The following TRIM49C variants were observed in gnomAD, a reference collection of about 807,000 sequenced individuals.
TRIM49C encodes the protein tripartite motif-containing protein 49C.
In TRIM49C, 6 loss-of-function variants were observed where a neutral mutation model predicts 21.4. The observed-to-expected ratio is 0.28, with a 90% CI of 0.15 to 0.55. The LOEUF (loss-of-function observed/expected upper bound fraction) is 0.55. TRIM49C is among the 20% of genes least tolerant of loss of function. The pLI, the probability that TRIM49C is intolerant of heterozygous loss-of-function variation, is 0.94. For missense variants in TRIM49C, 161 were observed against 442.4 expected (o/e 0.36, Z 5.71); for synonymous variants, 57 against 148.1 (o/e 0.38, Z 4.47).
chr11:90,069,652 T>C, the TRIM49C span, among the ~76,000 whole-genome samples: 1 of 121,706 alleles, frequency 8.2e-6, no homozygotes, highest in Non-Finnish European at 1.7e-5. Context: ...GGAGAAAGAA[T>C]GAGAATACAG....
the TRIM49C span, chr11:90,052,950 C>T: frequency 2.1e-5 from 3 of 141,072 alleles, no homozygotes; most frequent in African/African-American, 5.0e-5. Context: ...CGACATCTCT[C>T]CTGGGGTCTG....
intron 2 of TRIM49C, among the ~76,000 whole-genome samples, chr11:90,033,808 T>C (rs1250569028): frequency 8.0e-6 from 1 of 125,624 alleles, no homozygotes; most frequent in Non-Finnish European, 1.7e-5. Context: ...TAGCCAGGCC[T>C]AGTGTCACGT....
At chr11:90,056,059 C>T in the TRIM49C span, among the ~76,000 whole-genome samples, 6 of 132,660 alleles carry the variant, frequency 4.5e-5, 1 homozygote, top group Admixed American at 2.6e-4. Flanking sequence ...CCCAGGTTCA[C>T]GCCATTCTCC....
At chr11:90,056,163 T>C in the TRIM49C span, among the ~76,000 whole-genome samples, 7 of 135,922 alleles carry the variant, frequency 5.2e-5, no homozygotes, top group Admixed American at 8.2e-5. Context: ...GGTTTCACCG[T>C]GTTAGCCAAG....
chr11:90,037,206 CTATGTTT>C (rs1950735082), intron 4 of TRIM49C, among the ~76,000 whole-genome samples: 1 of 135,210 alleles, frequency 7.4e-6, no homozygotes, highest in Non-Finnish European at 1.6e-5. Context: ...ACAAAGAAGT[CTATGTTT>C]CAGACTGGGA....
At chr11:90,071,023 T>C in the TRIM49C span, 1 of 435,918 alleles carries the variant, frequency 2.3e-6, no homozygotes, top group East Asian at 6.3e-5. Flanking sequence ...CTGGAAATCC[T>C]GACCTCAGGT....
the TRIM49C span, among the ~76,000 whole-genome samples, chr11:90,069,229 C>T: frequency 3.9e-5 from 5 of 127,776 alleles, no homozygotes; most frequent in Admixed American, 4.2e-4. Flanking sequence ...CTCAGCCTCC[C>T]AAGTAGCTGG....
At position 90,037,348 on chromosome 11, in the gene TRIM49C, G is replaced by T. The variant is rs1436351614; in HGVS notation, c.508-401G>T. 1.5e-5 allele frequency among the ~76,000 whole-genome samples: 2 copies of T among 133,186 alleles called. 1 individual carries two copies. The highest frequency in any genetic ancestry group is 5.4e-5 in the African/African-American group (2 of 37,242). The allele number at this position is 133,186 out of a possible 152,430, so 87.4% of individuals were successfully genotyped here. On this transcript the variant is annotated intron_variant, in intron 4 of 7. Transcript: ENST00000448984. ...ACTTAGCTGGACATGCTAGTCTAAG[G>T]TCATTTTCATATAATGAGTTTAAGC...
the TRIM49C span, among the ~76,000 whole-genome samples, chr11:90,049,218 AG>A: frequency 8.4e-6 from 1 of 119,180 alleles, no homozygotes; most frequent in South Asian, 3.2e-4. Flanking sequence ...GACCAACTTG[AG>A]GAGGCAGTCT....
At chr11:90,065,627 C>T in the TRIM49C span, among the ~76,000 whole-genome samples, 901 of 140,828 alleles carry the variant, frequency 6.4e-3, 97 homozygotes, top group African/African-American at 0.021. Context: ...TGGAATGAGA[C>T]GCAAGAAAGT....
the TRIM49C span, among the ~76,000 whole-genome samples, chr11:90,054,939 AC>A: frequency 6.7e-6 from 1 of 148,852 alleles, no homozygotes; most frequent in African/African-American, 2.5e-5. Flanking sequence ...TTCCTTGAAA[AC>A]TAGGAACAAA....
In TRIM49C at chr11:90,041,342, A is replaced by T; in HGVS notation, c.1151A>T (p.Lys384Met). ...KEGLFLLGCI[K>M]NDIQCSLFTT... ...GGACTCTTTCTTCTTGGGTGTATTA[A>T]GAATGACATTCAATGCAGTCTCTTT... The change falls in exon 8 of 8, where the codon AAG (lysine) becomes ATG (methionine). Residue 384 changes from lysine (K) to methionine (M), a missense_variant. By Grantham distance (95) the Lys-to-Met change is moderately conservative. Around this residue, in one of 3 missense-constraint regions of TRIM49C, gnomAD observed 63 missense variants for 67.6 expected, o/e 0.93. Coordinates refer to ENST00000448984, the MANE Select transcript of TRIM49C (RefSeq NM_001195234.1). 1.9e-6 allele frequency: 3 copies of T among 1,590,206 alleles called. 1 individual carries two copies. Among genetic ancestry groups the T allele is most frequent in the Non-Finnish European group, 2.6e-6 (3 of 1,165,072 alleles).
the TRIM49C span, chr11:90,073,035 C>A: frequency 3.1e-5 from 22 of 698,552 alleles, 2 homozygotes; most frequent in African/African-American, 1.8e-4. Flanking sequence ...GCATGGGGAG[C>A]CTGGGTCTTC....
chr11:90,062,721 A>C, the TRIM49C span: 9 of 1,492,442 alleles, frequency 6.0e-6, 1 homozygote, highest in Non-Finnish European at 8.1e-6. Context: ...CGCATGGAGC[A>C]CACAGATATT....
At chr11:90,070,798 CTTTG>C in the TRIM49C span, among the ~76,000 whole-genome samples, 2 of 141,660 alleles carry the variant, frequency 1.4e-5, no homozygotes, top group South Asian at 2.4e-4. Flanking sequence ...TTCTTTGATT[CTTTG>C]TTTGTTTGTT....
chr11:90,070,015 G>T, the TRIM49C span, among the ~76,000 whole-genome samples: 16 of 128,892 alleles, frequency 1.2e-4, 2 homozygotes, highest in Non-Finnish European at 1.6e-4. Flanking sequence ...TCCTTCATTT[G>T]ATTGGCTCTG....
downstream of TRIM49C, among the ~76,000 whole-genome samples, chr11:90,042,421 T>C (rs1251132092): frequency 7.5e-6 from 1 of 133,110 alleles, no homozygotes; most frequent in Non-Finnish European, 1.6e-5. Flanking sequence ...TACATGTATA[T>C]GATGAATACT....
the TRIM49C span, among the ~76,000 whole-genome samples, chr11:90,062,385 ACCT>A: frequency 5.1e-5 from 7 of 137,262 alleles, no homozygotes; most frequent in African/African-American, 2.0e-4. Flanking sequence ...TTTTAAGGAA[ACCT>A]CCTTTAGCGA....
Position 90,041,257 on chromosome 11 carries a change from G to A in TRIM49C, c.1066G>A (p.Gly356Ser). Residue 356 changes from glycine to serine, a missense_variant, in exon 8 of 8, where the codon GGT (glycine) becomes AGT (serine). Coordinates refer to ENST00000448984, the MANE Select transcript of TRIM49C (RefSeq NM_001195234.1). ...AGGGGACTCCTGGAATTGGGCTTTT[G>A]GTGTCTGTAATATGTATCGGAAGGA... ...HVGDSWNWAF[G>S]VCNMYRKEKN... 1 of 1,578,218 alleles carries A rather than the reference G, an allele frequency of 6.3e-7. No homozygotes were observed. Among genetic ancestry groups the A allele is most frequent in the Middle Eastern group, 1.7e-4 (1 of 5,896 alleles).
Sources: allele counts gnomAD v4.1 joint callset (sites outside exome capture counted in the v4.1 genomes callset), GRCh38; gene constraint gnomAD v4.1.1; regional missense constraint gnomAD v4.1.1; transcripts MANE v1.5; gene names NCBI Gene and HGNC (gene_info 2026-07-23, HGNC 2026-07-21).